The following KIAA1328 variants were observed in gnomAD, a reference collection of about 807,000 sequenced individuals.
KIAA1328 encodes the protein KIAA1328.
Under a neutral mutation model 68.1 loss-of-function variants are expected in KIAA1328, and 52 were observed. The ratio of observed to expected loss-of-function variants is 0.76; its 90% confidence interval spans 0.61 to 0.96. The LOEUF (loss-of-function observed/expected upper bound fraction) is 0.96, where lower values mean the gene tolerates loss of function less well. KIAA1328 is among the 40% of genes least tolerant of loss of function. The pLI is 0.00. For synonymous variants in KIAA1328, 232 were observed against 239.4 expected (o/e 0.97, Z 0.28); for missense variants, 641 against 677.6 (o/e 0.95, Z 0.60).
intron 9 of KIAA1328, among the ~76,000 whole-genome samples, chr18:37,214,850 T>C (rs2060394958): frequency 6.6e-6 from 1 of 152,240 alleles, no homozygotes; most frequent in African/African-American, 2.4e-5. Context: ...GTAGTTCTCC[T>C]TGAAGAGGTC....
At chr18:37,108,216 C>T (rs1384666884) in intron 7 of KIAA1328, among the ~76,000 whole-genome samples, 1 of 152,148 alleles carries the variant, frequency 6.6e-6, no homozygotes, top group Non-Finnish European at 1.5e-5. Flanking sequence ...ATGTCCTTTG[C>T]AGCAACATGG....
intron 7 of KIAA1328, chr18:37,075,722 A>G (rs1166132583): frequency 6.6e-6 from 1 of 152,256 alleles, no homozygotes; most frequent in Admixed American, 6.5e-5. Context: ...AACAAAGATC[A>G]AAAGAGACAA....
At chr18:37,060,123 A>G (rs1021368098) in intron 6 of KIAA1328, among the ~76,000 whole-genome samples, 10 of 152,104 alleles carry the variant, frequency 6.6e-5, no homozygotes, top group Non-Finnish European at 1.0e-4. Flanking sequence ...AAACCTGCAC[A>G]TTCTGCACAT....
chr18:37,110,044 A>G (rs1402994391), intron 7 of KIAA1328, among the ~76,000 whole-genome samples: 1 of 149,178 alleles, frequency 6.7e-6, no homozygotes, highest in Non-Finnish European at 1.5e-5. Context: ...TGAAGATGTC[A>G]GCTGGTTAAA....
chr18:37,169,975 T>G (rs1016703121), intron 8 of KIAA1328, among the ~76,000 whole-genome samples: 2 of 152,230 alleles, frequency 1.3e-5, no homozygotes, highest in African/African-American at 4.8e-5. Context: ...ATATTTATAT[T>G]CTGTCACTAC....
intron 7 of KIAA1328, among the ~76,000 whole-genome samples, chr18:37,105,169 A>G (rs1023464433): frequency 6.6e-6 from 1 of 152,204 alleles, no homozygotes; most frequent in African/African-American, 2.4e-5. Flanking sequence ...TCTAGAAACC[A>G]TCAGTAAAAT....
At position 37,178,705 on chromosome 18, in the gene KIAA1328, T is replaced by C. The variant is rs182134733; in HGVS notation, c.1523+5624T>C. Among the ~76,000 whole-genome samples, 6 of 152,256 alleles carry C rather than the reference T, an allele frequency of 3.9e-5. No individual in the cohort carries two copies. In the East Asian group the frequency reaches 1.2e-3, roughly 29 times the overall value. ...ACTAATTTACATTCCGACCCAATAG[T>C]ATATGAGAGTTTTCTTTCTCCAATC... On this transcript the variant is annotated intron_variant, in intron 9 of 9. Transcript: ENST00000280020.
At chr18:36,950,639 A>C (rs1330881874) in intron 5 of KIAA1328, among the ~76,000 whole-genome samples, 3 of 152,148 alleles carry the variant, frequency 2.0e-5, no homozygotes, top group Admixed American at 1.3e-4. Context: ...TCTAGGATTA[A>C]GGGCGGGCAA....
chr18:36,919,247 G>T (rs1160642532), intron 5 of KIAA1328, among the ~76,000 whole-genome samples: 1 of 151,980 alleles, frequency 6.6e-6, no homozygotes, highest in African/African-American at 2.4e-5. Flanking sequence ...CTCTCTTATG[G>T]TTATTGTTTG....
At chr18:36,858,189 G>C (rs2047442622) in intron 4 of KIAA1328, among the ~76,000 whole-genome samples, 1 of 151,968 alleles carries the variant, frequency 6.6e-6, no homozygotes, top group Non-Finnish European at 1.5e-5. Context: ...TGTGATAATA[G>C]ATTAATACAC....
intron 5 of KIAA1328, among the ~76,000 whole-genome samples, chr18:36,923,056 T>C (rs2049986286): frequency 6.6e-6 from 1 of 152,160 alleles, no homozygotes; most frequent in African/African-American, 2.4e-5. Context: ...TTTTCACTTC[T>C]TGACTTCATA....
chr18:36,929,361 G>A (rs748684239), intron 5 of KIAA1328, among the ~76,000 whole-genome samples: 4 of 152,170 alleles, frequency 2.6e-5, no homozygotes, highest in Non-Finnish European at 4.4e-5. Flanking sequence ...CTTCTATCAG[G>A]TAGGCATTTA....
intron 6 of KIAA1328, among the ~76,000 whole-genome samples, chr18:37,029,846 C>CT (rs1207558763): frequency 6.6e-6 from 1 of 152,008 alleles, no homozygotes; most frequent in Non-Finnish European, 1.5e-5. Context: ...CAGGAATGGA[C>CT]TTTTTTGTGA....
At chr18:36,992,451 C>CTTTTTTTTTTTTTTTTTTTTTTTT (rs71168252) in intron 6 of KIAA1328, among the ~76,000 whole-genome samples, 1 of 130,100 alleles carries the variant, frequency 7.7e-6, no homozygotes, top group African/African-American at 3.5e-5. Flanking sequence ...TCTTTTCTTT[C>CTTTTTTTTTTTTTTTTTTTTTTTT]TTTTTTTTTT....
intron 6 of KIAA1328, among the ~76,000 whole-genome samples, chr18:37,046,732 G>A (rs2055485990): frequency 6.6e-6 from 1 of 152,186 alleles, no homozygotes; most frequent in South Asian, 2.1e-4. Flanking sequence ...AATAGATTGT[G>A]CCTAAACATT....
Position 36,998,466 on chromosome 18 carries a change from A to T in KIAA1328, c.576+39031A>T, listed in dbSNP as rs142074633. Reference sequence around the variant, plus strand: ...ATCCAAACAAACCACATGAAGGACGAAAAATTGGCTTGCTGATAACCACCG... The same window carrying T: ...ATCCAAACAAACCACATGAAGGACGTAAAATTGGCTTGCTGATAACCACCG... On this transcript the variant is annotated intron_variant, in intron 6 of 9. Transcript: ENST00000280020. Among the ~76,000 whole-genome samples, 763 of 152,332 alleles carry T rather than the reference A, an allele frequency of 5.0e-3. 2 individuals are homozygous for T. Among genetic ancestry groups the T allele is most frequent in the African/African-American group, 0.018 (740 of 41,574 alleles).
At position 37,223,205 on chromosome 18, in the gene KIAA1328, C is replaced by G; in HGVS notation, c.*978C>G. ...CTCCACGAGGATTAAAGGATACAAGCTGACCAGGCCTCACAGGTGCTCTGC... is the reference window on the plus strand; with the variant it reads ...CTCCACGAGGATTAAAGGATACAAGGTGACCAGGCCTCACAGGTGCTCTGC... On this transcript the variant is annotated 3_prime_UTR_variant, in exon 10 of 10. Transcript: ENST00000280020. 1.0e-6 allele frequency: 1 copy of G among 985,332 alleles called. No individual in the cohort carries two copies. The highest frequency in any genetic ancestry group is 1.2e-6 in the Non-Finnish European group (1 of 829,954). 61.0% of individuals were successfully genotyped at this position (985,332 alleles called of 1,614,324 possible). A position where few individuals can be genotyped will look rare whatever the true frequency, so the allele number is the denominator to read the frequency against.
Position 36,835,334 on chromosome 18 carries a change from C to A in KIAA1328, c.195C>A (p.Ser65=). The change falls in exon 3 of 10, where the codon TCC becomes TCA. Residue 65 remains serine (S), a synonymous_variant. Transcript: ENST00000280020. ...CCAGGGTGACTGATGCTTCAATCTC[C>A]ATGGAGTCCTTAAAAGGCACAGGAG... ...KTSRVTDASI[S]MESLKGTGDS... is the part of the protein sequence containing the mutation. 1 of 1,613,620 alleles carries A rather than the reference C, an allele frequency of 6.2e-7. No homozygotes were observed. Among genetic ancestry groups the A allele is most frequent in the South Asian group, 1.1e-5 (1 of 91,050 alleles).
intron 4 of KIAA1328, among the ~76,000 whole-genome samples, chr18:36,874,608 A>AAATTTTCTT (rs1463716808): frequency 2.2e-4 from 33 of 152,084 alleles, no homozygotes; most frequent in South Asian, 2.1e-4. Flanking sequence ...TAGATTGCAA[A>AAATTTTCTT]AATTTTCTCC....
Sources: gnomAD v4.1 joint callset for allele counts (sites outside exome capture counted in the v4.1 genomes callset) on GRCh38, gnomAD v4.1.1 for gene constraint, MANE v1.5 for transcripts, NCBI Gene and HGNC (gene_info 2026-07-23, HGNC 2026-07-21) for gene names.